The following ANKRD60 variants were observed in gnomAD, a reference collection of about 807,000 sequenced individuals.
ANKRD60 encodes the protein ankyrin repeat domain 60.
Under a neutral mutation model 21.3 loss-of-function variants are expected in ANKRD60, and 24 were observed. The observed-to-expected ratio is 1.13, with a 90% CI of 0.82 to 1.59. ANKRD60 has a LOEUF of 1.59. Among genes scored for constraint, ANKRD60 ranks in the 40% most tolerant of loss-of-function variants. ANKRD60 has a pLI of 0.00. For synonymous variants in ANKRD60, 182 were observed against 199.4 expected, an observed-to-expected ratio of 0.91 and a Z score of 0.74; for missense variants, 490 against 466.7, an observed-to-expected ratio of 1.05 and a Z score of -0.46.
Position 58,218,822 on chromosome 20 carries a change from T to C in ANKRD60, c.728-17A>G. ...AGCTGGCTCCTGTAAAATAAGAACA[T>C]TGGCCAGAAGGAAGACATGCGGAGG... On this transcript the variant is annotated splice_polypyrimidine_tract_variant and intron_variant, in intron 3 of 3. Coordinates refer to ENST00000457363, the Ensembl canonical transcript of ANKRD60. The C allele has an allele frequency of 2.0e-6, 3 of 1,517,426 alleles. No homozygotes were observed. In the East Asian group the frequency reaches 7.4e-5, roughly 37 times the overall value. The allele number at this position is 1,517,426 out of a possible 1,614,324, so 94.0% of individuals were successfully genotyped here.
At chr20:58,223,325 C>G (rs1025065623) in intron 1 of ANKRD60, 143 bp from the exon 2 acceptor site, 6 of 752,500 alleles carry the variant, frequency 8.0e-6, no homozygotes, top group Non-Finnish European at 1.2e-5. Context: ...TTGATGGTGT[C>G]GCGTGGGTCT....
intron 1 of ANKRD60, among the ~76,000 whole-genome samples, chr20:58,225,991 G>A (rs1458972239): frequency 1.3e-5 from 2 of 152,174 alleles, no homozygotes; most frequent in East Asian, 3.9e-4. Flanking sequence ...TCTGCCACAT[G>A]GGACTTGTCT....
At chr20:58,217,567 G>A (rs1198966306), downstream of ANKRD60, among the ~76,000 whole-genome samples, 1 of 151,972 alleles carries the variant, frequency 6.6e-6, no homozygotes, top group Non-Finnish European at 1.5e-5. Context: ...CAGACAGCTG[G>A]CGCCATCCTT....
Position 58,228,634 on chromosome 20 carries a change from C to T in ANKRD60, c.20G>A (p.Trp7Ter), listed in dbSNP as rs1226590171. 2 of 1,006,742 alleles carry T rather than the reference C, an allele frequency of 2.0e-6. No individual in the cohort carries two copies. Among genetic ancestry groups the T allele is most frequent in the African/African-American group, 1.7e-5 (1 of 57,560 alleles). The allele number at this position is 1,006,742 out of a possible 1,614,324, so 62.4% of individuals were successfully genotyped here. The change falls in exon 1 of 4, where the codon TGG becomes TAG. Residue 7 changes from tryptophan to a stop codon, truncating the protein, a stop_gained. Coordinates refer to ENST00000457363, the Ensembl canonical transcript of ANKRD60. LOFTEE classifies it high-confidence loss of function. This position sits in a 1 kb window ranked among gnomAD's most constrained non-coding sequence, Gnocchi z 5.3. The stretch of plus-strand genomic sequence containing the variant: ...CCCCGCCGCCGCCCGCCGCATCCCC[C>T]AGGCGCGGCCGCGCGTCATCCGCGG...
At chr20:58,224,848 A>G (rs897194805) in intron 1 of ANKRD60, among the ~76,000 whole-genome samples, 2 of 152,210 alleles carry the variant, frequency 1.3e-5, no homozygotes, top group African/African-American at 4.8e-5. Flanking sequence ...CCTTGGACTT[A>G]GACAAATACT....
At chr20:58,227,088 C>T (rs1052995187) in intron 1 of ANKRD60, among the ~76,000 whole-genome samples, 1 of 152,136 alleles carries the variant, frequency 6.6e-6, no homozygotes, top group Non-Finnish European at 1.5e-5. Flanking sequence ...GCGTTTGTTT[C>T]GGATCTTGGC....
chr20:58,220,489 C>CAG (rs11469843), intron 3 of ANKRD60, among the ~76,000 whole-genome samples: 1,671 of 144,174 alleles, frequency 0.012, 21 homozygotes, highest in African/African-American at 0.029. Flanking sequence ...TCAAGAGAGC[C>CAG]AGAGAGAGAG....
At chr20:58,216,803 A>T (rs1426753759), downstream of ANKRD60, among the ~76,000 whole-genome samples, 6 of 152,208 alleles carry the variant, frequency 3.9e-5, no homozygotes, top group Non-Finnish European at 2.9e-5. Context: ...GCCATTTCCC[A>T]TTCCCAGGAA....
At position 58,228,082 on chromosome 20, in the gene ANKRD60, G is replaced by T; in HGVS notation, c.430+142C>A. 7.4e-6 allele frequency: 6 copies of T among 810,396 alleles called. No homozygotes were observed. The South Asian group carries it at 1.1e-4, about 15-fold the overall frequency. 50.2% of individuals were successfully genotyped at this position (810,396 alleles called of 1,614,324 possible). On this transcript the variant is annotated intron_variant, in intron 1 of 3. Coordinates refer to ENST00000457363, the Ensembl canonical transcript of ANKRD60. This position sits in a 1 kb window ranked among gnomAD's most constrained non-coding sequence, Gnocchi z 5.3. ...GGACCCTAAGTGGCCCTTCCATCTG[G>T]GTTTCAGGGTGGTTGGGTTTCAGGG...
At chr20:58,225,784 C>A (rs2122812773) in intron 1 of ANKRD60, among the ~76,000 whole-genome samples, 1 of 152,334 alleles carries the variant, frequency 6.6e-6, no homozygotes, top group African/African-American at 2.4e-5. Flanking sequence ...GAGATTTTTT[C>A]TATATCTTCA....
Position 58,228,108 on chromosome 20 carries a change from G to C in ANKRD60, c.430+116C>G. On this transcript the variant is annotated intron_variant, in intron 1 of 3. Coordinates refer to ENST00000457363, the Ensembl canonical transcript of ANKRD60. This position sits in a 1 kb window ranked among gnomAD's most constrained non-coding sequence, Gnocchi z 5.3. Reference sequence around the variant, plus strand: ...GTTTCAGGGTGGTTGGGTTTCAGGGGTTTGCTTTGACATCTGGGGTTTCTC... The same window carrying C: ...GTTTCAGGGTGGTTGGGTTTCAGGGCTTTGCTTTGACATCTGGGGTTTCTC... 9.0e-7 allele frequency: 1 copy of C among 1,106,916 alleles called. No homozygotes were observed. Among genetic ancestry groups the C allele is most frequent in the Non-Finnish European group, 1.3e-6 (1 of 789,820 alleles). The allele number at this position is 1,106,916 out of a possible 1,614,324, so 68.6% of individuals were successfully genotyped here. A position where few individuals can be genotyped will look rare whatever the true frequency, so the allele number is the denominator to read the frequency against.
Position 58,223,195 on chromosome 20 carries a change from A to AT in ANKRD60, c.431-14dup, listed in dbSNP as rs375563687. 5.2e-6 allele frequency: 8 copies of AT among 1,531,810 alleles called. No homozygotes were observed. The highest frequency in any genetic ancestry group is 3.7e-5 in the South Asian group (3 of 80,640). 94.9% of individuals were successfully genotyped at this position (1,531,810 alleles called of 1,614,324 possible). The stretch of plus-strand genomic sequence containing the variant: ...TCCATCAAAACTCCTGCAGGGAAAA[A>AT]TTTTTTTTCTTTTAAAAAATTGGGT... On this transcript the variant is annotated splice_polypyrimidine_tract_variant and intron_variant, in intron 1 of 3. Transcript: ENST00000457363.
At chr20:58,218,424 G>C, downstream of ANKRD60, 1 of 1,427,972 alleles carries the variant, frequency 7.0e-7, no homozygotes, top group East Asian at 2.5e-5. Flanking sequence ...TGCTCACCAA[G>C]GGCCCCCATG....
rs1487465016 is a variant in ANKRD60 at position 58,228,430 on chromosome 20, C to G, written c.224G>C (p.Arg75Pro). The G allele has an allele frequency of 1.3e-6, 2 of 1,542,130 alleles. No individual in the cohort carries two copies. The highest frequency in any genetic ancestry group is 2.4e-5 in the East Asian group (1 of 40,890). The stretch of plus-strand genomic sequence containing the variant: ...CGCGGCCTTCGGGTCACAGACGAGC[C>G]GCTGGCTCCGGCCGCGGGCACAGGC... Residue 75 changes from arginine to proline, a missense_variant, in exon 1 of 4, where the codon CGG becomes CCG. Transcript: ENST00000457363. The surrounding 1 kb of genome is among the most constrained non-coding windows in gnomAD (Gnocchi z 5.3).
At chr20:58,216,262 C>G (rs950615070), downstream of ANKRD60, among the ~76,000 whole-genome samples, 4 of 152,140 alleles carry the variant, frequency 2.6e-5, no homozygotes, top group African/African-American at 9.7e-5. Context: ...ACAGACTGAG[C>G]AAAATGTCAC....
chr20:58,222,988 T>A (rs958651220), intron 2 of ANKRD60, 64 bp downstream of exon 2: 110 of 1,487,172 alleles, frequency 7.4e-5, no homozygotes, highest in South Asian at 5.9e-4. Context: ...AAGACTAATT[T>A]TCCCCCCACA....
intron 2 of ANKRD60, among the ~76,000 whole-genome samples, chr20:58,222,094 C>T (rs143601435): frequency 1.3e-5 from 2 of 152,250 alleles, no homozygotes; most frequent in African/African-American, 2.4e-5. Flanking sequence ...GGATCAGAAT[C>T]GAGACGAGGA....
At chr20:58,218,547 T>A in exon 4 of ANKRD60, 1 of 1,551,738 alleles carries the variant, frequency 6.4e-7, no homozygotes, top group Non-Finnish European at 8.7e-7. Flanking sequence ...CTTGACCCTC[T>A]GCAAAGCATT....
chr20:58,219,115 C>G (rs979546561), intron 3 of ANKRD60, among the ~76,000 whole-genome samples: 1 of 152,184 alleles, frequency 6.6e-6, no homozygotes, highest in African/African-American at 2.4e-5. Flanking sequence ...TCTCCTCCCC[C>G]ACCCCACCAC....
Sources: allele counts gnomAD v4.1 joint callset (sites outside exome capture counted in the v4.1 genomes callset), GRCh38; gene constraint gnomAD v4.1.1; non-coding constraint Gnocchi (gnomAD v3.1); transcripts MANE v1.5; gene names NCBI Gene and HGNC (gene_info 2026-07-23, HGNC 2026-07-21).